Variants in MTMR10 observed in about 807,000 individuals in gnomAD.
MTMR10 encodes myotubularin related protein 10, also known as myotubularin-related protein 10.
A neutral mutation model predicts 88.1 loss-of-function variants in MTMR10; 56 were observed. The ratio of observed to expected loss-of-function variants is 0.64; its 90% CI spans 0.51 to 0.79. The LOEUF (loss-of-function observed/expected upper bound fraction) is 0.79, where lower values mean the gene tolerates loss of function less well. Among genes scored for constraint, MTMR10 ranks in the 30% least tolerant of loss-of-function variants. MTMR10 has a pLI of 0.00. For synonymous variants in MTMR10, 380 were observed against 340.9 expected (o/e 1.11, Z -1.26); for missense variants, 883 against 924.7 (o/e 0.95, Z 0.58).
In MTMR10 at chr15:30,976,237, C is replaced by CA. The variant is rs570205367; in HGVS notation, c.258+581dup. On this transcript the variant is annotated intron_variant, in intron 3 of 15. Coordinates refer to ENST00000435680, the MANE Select transcript of MTMR10 (RefSeq NM_017762.3). The stretch of plus-strand genomic sequence containing the variant: ...GCATCATAACAAAACCCCATCTCTA[C>CA]AAAAAAATACAACAGTTAGCCGGGA... 2.6e-5 allele frequency among the ~76,000 whole-genome samples: 4 copies of CA among 151,792 alleles called. No homozygotes were observed. The South Asian group carries it at 6.3e-4, about 24-fold the overall frequency.
intron 13 of MTMR10, 88 bp from the exon 14 acceptor site, chr15:30,947,388 A>G: frequency 7.0e-7 from 1 of 1,428,674 alleles, no homozygotes; most frequent in Non-Finnish European, 9.4e-7. Flanking sequence ...GATGTTAAAG[A>G]AGAGATGAAT....
At chr15:30,925,126 G>A in the MTMR10 span, 2 of 1,611,478 alleles carry the variant, frequency 1.2e-6, no homozygotes, top group Non-Finnish European at 1.7e-6. Flanking sequence ...CTCTCTGCCA[G>A]ACTATCAAGT....
At chr15:30,928,558 C>A in the MTMR10 span, 13 of 1,586,758 alleles carry the variant, frequency 8.2e-6, no homozygotes, top group Middle Eastern at 1.7e-4. Flanking sequence ...CTTAGGGATT[C>A]ATGGCGAAGG....
At chr15:30,947,375 G>A in intron 13 of MTMR10, 75 bp from the exon 14 acceptor site, 1 of 1,474,158 alleles carries the variant, frequency 6.8e-7, no homozygotes, top group South Asian at 1.3e-5. Flanking sequence ...AAAATGTACT[G>A]CTGATGTTAA....
downstream of MTMR10, among the ~76,000 whole-genome samples, chr15:30,938,222 T>C (rs1330695500): frequency 2.0e-5 from 3 of 152,126 alleles, no homozygotes; most frequent in Non-Finnish European, 4.4e-5. Flanking sequence ...AACCAGTGTT[T>C]CCTTCAAGTA....
chr15:30,962,250 G>C (rs984310029), intron 6 of MTMR10, among the ~76,000 whole-genome samples: 2 of 152,194 alleles, frequency 1.3e-5, no homozygotes, highest in Non-Finnish European at 2.9e-5. Context: ...TGATTATTGA[G>C]AAACAAGCTG....
chr15:30,977,540 A>G (rs2030244090), intron 2 of MTMR10, among the ~76,000 whole-genome samples: 1 of 152,256 alleles, frequency 6.6e-6, no homozygotes, highest in Admixed American at 6.5e-5. Flanking sequence ...AGAAACCAAT[A>G]TAAAAGTTAT....
At chr15:30,932,716 CTT>C in the MTMR10 span, among the ~76,000 whole-genome samples, 8 of 134,340 alleles carry the variant, frequency 6.0e-5, no homozygotes, top group Admixed American at 7.7e-5. Flanking sequence ...TGTTTCTTTT[CTT>C]TTTTTTTTTT....
chr15:30,980,948 C>G (rs2030528411), intron 2 of MTMR10, among the ~76,000 whole-genome samples: 1 of 152,160 alleles, frequency 6.6e-6, no homozygotes, highest in African/African-American at 2.4e-5. Context: ...GGAGAAGAGA[C>G]AAATCTTCCT....
At chr15:30,970,117 C>T (rs1393992676) in intron 5 of MTMR10, among the ~76,000 whole-genome samples, 1 of 152,142 alleles carries the variant, frequency 6.6e-6, no homozygotes. Context: ...TTCTGTTACA[C>T]TTCTACCATG....
rs1447935508 is a variant in MTMR10 at position 30,941,747 on chromosome 15, G to C, written c.2057C>G (p.Ala686Gly). 6.2e-7 allele frequency: 1 copy of C among 1,613,898 alleles called. No homozygotes were observed. Among genetic ancestry groups the C allele is most frequent in the Non-Finnish European group, 8.5e-7 (1 of 1,179,892 alleles). Residue 686 changes from alanine (A) to glycine (G), a missense_variant, in exon 16 of 16, where the codon GCT becomes GGT. Ala to Gly is a moderately conservative substitution (Grantham distance 60). Coordinates refer to ENST00000435680, the MANE Select transcript of MTMR10 (RefSeq NM_017762.3). Reference sequence around the variant, plus strand: ...CCTGCTCAGTACGTCGACTTCATCAGCCAGGAGGGAGAGCTTGTGAAAGGC... The same window carrying C: ...CCTGCTCAGTACGTCGACTTCATCACCCAGGAGGGAGAGCTTGTGAAAGGC... ...ITAFHKLSLL[A>G]DEVDVLSRML...
intron 13 of MTMR10, 84 bp downstream of exon 13, chr15:30,948,218 T>A (rs1221552817): frequency 7.6e-7 from 1 of 1,309,606 alleles, no homozygotes. Context: ...CAGTATTTTT[T>A]AAAAGCCCCT....
intron 5 of MTMR10, among the ~76,000 whole-genome samples, chr15:30,970,979 CTAAG>C (rs1236830039): frequency 1.3e-5 from 2 of 151,970 alleles, no homozygotes; most frequent in African/African-American, 2.4e-5. Context: ...TTCATATGAC[CTAAG>C]TAAGAGGCCT....
chr15:30,969,962 G>C (rs1443234328), intron 5 of MTMR10, among the ~76,000 whole-genome samples: 1 of 152,094 alleles, frequency 6.6e-6, no homozygotes, highest in Non-Finnish European at 1.5e-5. Flanking sequence ...CTTCCTAGAG[G>C]GAGCCAATTT....
At chr15:30,988,279 G>A (rs2141075834) in intron 2 of MTMR10, among the ~76,000 whole-genome samples, 1 of 152,288 alleles carries the variant, frequency 6.6e-6, no homozygotes, top group East Asian at 1.9e-4. Context: ...AAGGGGAGAG[G>A]AAGGGGGCAA....
the MTMR10 span, chr15:30,927,270 A>C: frequency 1.0e-6 from 1 of 985,532 alleles, no homozygotes; most frequent in Non-Finnish European, 1.2e-6. Context: ...CCTGATCGTC[A>C]GTGTATTCAC....
chr15:30,930,562 G>A, the MTMR10 span: 4 of 1,599,976 alleles, frequency 2.5e-6, no homozygotes, highest in South Asian at 2.2e-5. Flanking sequence ...TCCTGCCTGG[G>A]GGGCCCTGTG....
intron 9 of MTMR10, among the ~76,000 whole-genome samples, chr15:30,957,637 C>T (rs1304758469): frequency 6.6e-6 from 1 of 151,890 alleles, no homozygotes; most frequent in African/African-American, 2.4e-5. Context: ...GCATGATAAT[C>T]ACTTGAACCC....
chr15:30,946,813 T>C (rs11637569), intron 14 of MTMR10: 2 of 695,102 alleles, frequency 2.9e-6, no homozygotes, highest in Admixed American at 4.2e-5. Context: ...AGGGCTTTTG[T>C]TTTTTACTAC....
Sources: gnomAD v4.1 joint callset for allele counts (sites outside exome capture counted in the v4.1 genomes callset) on GRCh38, gnomAD v4.1.1 for gene constraint, MANE v1.5 for transcripts, NCBI Gene and HGNC (gene_info 2026-07-23, HGNC 2026-07-21) for gene names.